The following ZMYM4 variants were observed in gnomAD, a reference collection of about 807,000 sequenced individuals.
ZMYM4 encodes the protein zinc finger MYM-type protein 4.
A neutral mutation model predicts 183.2 loss-of-function variants in ZMYM4; 31 were observed. The observed-to-expected ratio is 0.17, with a 90% CI of 0.13 to 0.23. The LOEUF (loss-of-function observed/expected upper bound fraction) is 0.23, where lower values mean the gene tolerates loss of function less well. Ranked by LOEUF, ZMYM4 falls within the 10% of genes least tolerant of loss-of-function variation. The probability of loss-of-function intolerance (pLI) is 1.00; values close to 1 mark genes in which losing one functional copy is unlikely to be tolerated. For synonymous variants in ZMYM4, 592 were observed against 631.2 expected, an observed-to-expected ratio of 0.94 and a Z score of 0.93; for missense variants, 1,273 against 1,840.3, an observed-to-expected ratio of 0.69 and a Z score of 5.64.
intron 1 of ZMYM4, among the ~76,000 whole-genome samples, chr1:35,301,726 T>A (rs1641286463): frequency 6.6e-6 from 1 of 152,002 alleles, no homozygotes; most frequent in Non-Finnish European, 1.5e-5. Context: ...TAGAGGAGAG[T>A]ACTCTGCAGA....
chr1:35,358,887 G>A (rs1271300130), intron 2 of ZMYM4, 38 bp from the exon 3 acceptor site: 6 of 1,550,414 alleles, frequency 3.9e-6, no homozygotes, highest in East Asian at 2.3e-5. Context: ...GTCATCTTTA[G>A]CACTATCATT....
At position 35,404,919 on chromosome 1, in the gene ZMYM4, A is replaced by G. The variant is rs1011528764; in HGVS notation, c.3529-104A>G. On this transcript the variant is annotated intron_variant, in intron 23 of 29. Coordinates refer to ENST00000314607, the MANE Select transcript of ZMYM4 (RefSeq NM_005095.3). Reference sequence around the variant, plus strand: ...CTGAATCTTTAGGATATAAAACTAAATTCTTTATTCTACAAATGTATACCC... The same window carrying G: ...CTGAATCTTTAGGATATAAAACTAAGTTCTTTATTCTACAAATGTATACCC... 4.2e-6 allele frequency: 5 copies of G among 1,181,818 alleles called. No individual in the cohort carries two copies. The African/African-American group carries it at 6.2e-5, about 15-fold the overall frequency. The allele number at this position is 1,181,818 out of a possible 1,614,324, so 73.2% of individuals were successfully genotyped here. A position where few individuals can be genotyped will look rare whatever the true frequency, so the allele number is the denominator to read the frequency against.
chr1:35,359,951 G>A (rs931300939), intron 3 of ZMYM4, among the ~76,000 whole-genome samples: 1 of 151,078 alleles, frequency 6.6e-6, no homozygotes, highest in Non-Finnish European at 1.5e-5. Context: ...GAAGTTTCTT[G>A]AGGTTCCTCC....
intron 1 of ZMYM4, among the ~76,000 whole-genome samples, chr1:35,318,980 G>T (rs1034658136): frequency 6.6e-6 from 1 of 151,962 alleles, no homozygotes; most frequent in Non-Finnish European, 1.5e-5. Flanking sequence ...TCCGCCTCCC[G>T]GGTTCAAGTG....
chr1:35,277,483 C>T (rs1295753405), intron 1 of ZMYM4, among the ~76,000 whole-genome samples: 1 of 152,008 alleles, frequency 6.6e-6, no homozygotes, highest in East Asian at 1.9e-4. Context: ...CTTGTTGGAT[C>T]GTTCTAGGAG....
intron 1 of ZMYM4, among the ~76,000 whole-genome samples, chr1:35,302,547 C>A (rs1242895594): frequency 6.6e-6 from 1 of 151,694 alleles, no homozygotes; most frequent in Non-Finnish European, 1.5e-5. Flanking sequence ...CACAATGCCC[C>A]ACTAATTTTT....
At chr1:35,361,920 G>A (rs1643944954) in intron 5 of ZMYM4, 131 bp downstream of exon 5, 2 of 1,243,038 alleles carry the variant, frequency 1.6e-6, no homozygotes, top group Admixed American at 2.7e-5. Context: ...GAAGGTTGAG[G>A]CGATTTGAAT....
At chr1:35,314,392 C>G (rs1224135371) in intron 1 of ZMYM4, among the ~76,000 whole-genome samples, 1 of 151,940 alleles carries the variant, frequency 6.6e-6, no homozygotes, top group Non-Finnish European at 1.5e-5. Context: ...TCCAGCGATT[C>G]TCCTGCCTCA....
intron 1 of ZMYM4, among the ~76,000 whole-genome samples, chr1:35,309,267 G>T (rs550877218): frequency 2.1e-4 from 32 of 152,216 alleles, no homozygotes; most frequent in African/African-American, 7.7e-4. Flanking sequence ...ATGCATTTTT[G>T]TAAATTTAGC....
At chr1:35,312,777 G>GT (rs1298441144) in intron 1 of ZMYM4, among the ~76,000 whole-genome samples, 1 of 139,890 alleles carries the variant, frequency 7.1e-6, no homozygotes, top group African/African-American at 2.6e-5. Flanking sequence ...CTGGAGTGCA[G>GT]TGGCACAATC....
chr1:35,325,542 A>G (rs544450845), intron 2 of ZMYM4, 137 bp downstream of exon 2: 13 of 647,728 alleles, frequency 2.0e-5, no homozygotes, highest in East Asian at 6.5e-5. Flanking sequence ...TCTAGATCTC[A>G]TCACGTACTG....
At chr1:35,328,454 A>AT (rs754078160) in intron 2 of ZMYM4, among the ~76,000 whole-genome samples, 11,330 of 117,082 alleles carry the variant, frequency 0.097, 1,254 homozygotes, top group African/African-American at 0.27. Context: ...TAATTTTTTA[A>AT]TTTTTTTTTT....
intron 26 of ZMYM4, among the ~76,000 whole-genome samples, chr1:35,410,297 T>G (rs571664082): frequency 1.6e-4 from 25 of 152,292 alleles, no homozygotes; most frequent in Admixed American, 1.0e-3. Context: ...GTCCTTTGCC[T>G]AATTTTTAAT....
At chr1:35,326,662 G>A (rs1642515539) in intron 2 of ZMYM4, among the ~76,000 whole-genome samples, 1 of 152,182 alleles carries the variant, frequency 6.6e-6, no homozygotes, top group Non-Finnish European at 1.5e-5. Flanking sequence ...GTCCTGGACA[G>A]GATGCCATCC....
chr1:35,279,417 G>A (rs375029191), intron 1 of ZMYM4, among the ~76,000 whole-genome samples: 7 of 152,004 alleles, frequency 4.6e-5, no homozygotes, highest in African/African-American at 1.2e-4. Context: ...TCCATTCCTC[G>A]TTTCTGTTGA....
intron 1 of ZMYM4, among the ~76,000 whole-genome samples, chr1:35,313,827 G>A (rs992832833): frequency 1.3e-5 from 2 of 152,048 alleles, no homozygotes; most frequent in Admixed American, 1.3e-4. Context: ...TATTTTAAAG[G>A]TGTATATAAT....
chr1:35,311,234 A>G (rs553920309), intron 1 of ZMYM4, among the ~76,000 whole-genome samples: 92 of 152,166 alleles, frequency 6.0e-4, no homozygotes, highest in African/African-American at 2.2e-3. Flanking sequence ...AGCCTGGACA[A>G]CATGGTGAAA....
At chr1:35,377,336 A>AATGC (rs1427029128) in intron 7 of ZMYM4, among the ~76,000 whole-genome samples, 1 of 152,248 alleles carries the variant, frequency 6.6e-6, no homozygotes, top group African/African-American at 2.4e-5. Context: ...AATAACAGGA[A>AATGC]ATGCAAAAAG....
intron 1 of ZMYM4, among the ~76,000 whole-genome samples, chr1:35,309,354 A>G (rs1641688788): frequency 6.6e-6 from 1 of 152,344 alleles, no homozygotes; most frequent in South Asian, 2.1e-4. Context: ...GTATTCAACA[A>G]ACACATATTT....
Sources: gnomAD v4.1 joint callset for allele counts (sites outside exome capture counted in the v4.1 genomes callset) on GRCh38, gnomAD v4.1.1 for gene constraint, MANE v1.5 for transcripts, NCBI Gene and HGNC (gene_info 2026-07-23, HGNC 2026-07-21) for gene names.